The following SPECC1L variants were observed in gnomAD, a reference collection of about 807,000 sequenced individuals.
SPECC1L encodes the protein sperm antigen with calponin homology and coiled-coil domains 1 like.
A neutral mutation model predicts 116.8 loss-of-function variants in SPECC1L; 40 were observed. The ratio of observed to expected loss-of-function variants is 0.34; its 90% CI spans 0.27 to 0.45. SPECC1L has a LOEUF of 0.45. Ranked by LOEUF, SPECC1L falls within the 20% of genes least tolerant of loss-of-function variation. The pLI is 1.00. For synonymous variants in SPECC1L, 504 were observed against 500.6 expected (o/e 1.01, Z -0.09); for missense variants, 1,110 against 1,373.6 (o/e 0.81, Z 3.03).
chr22:24,317,653 CG>C (rs2040620980), intron 4 of SPECC1L, among the ~76,000 whole-genome samples: 3 of 150,754 alleles, frequency 2.0e-5, no homozygotes, highest in South Asian at 2.1e-4. Context: ...GCTGGCCAGG[CG>C]GGGGGCTGAC....
At position 24,334,355 on chromosome 22, in the gene SPECC1L, A is replaced by G. The variant is rs1269435835; in HGVS notation, c.2397-55A>G. 3.2e-6 allele frequency: 5 copies of G among 1,583,600 alleles called. No individual in the cohort carries two copies. In the African/African-American group the frequency reaches 5.4e-5, roughly 17 times the overall value. On this transcript the variant is annotated intron_variant, in intron 8 of 16. Coordinates refer to ENST00000314328, the MANE Select transcript of SPECC1L (RefSeq NM_015330.6). ...AATGCCTTTCAGCTGGGAGGGGAAA[A>G]TGTGTATGTTCTAGTACCTATGTAA...
At chr22:24,282,467 T>A (rs2048962143) in intron 2 of SPECC1L, among the ~76,000 whole-genome samples, 1 of 152,236 alleles carries the variant, frequency 6.6e-6, no homozygotes, top group African/African-American at 2.4e-5. Flanking sequence ...GTCAGTTAAG[T>A]TAGATCTCTC....
At position 24,321,568 on chromosome 22, in the gene SPECC1L, C is replaced by A. The variant is rs769342341; in HGVS notation, c.588C>A (p.Asp196Glu). 6.2e-7 allele frequency: 1 copy of A among 1,614,040 alleles called. No individual in the cohort carries two copies. Among genetic ancestry groups the A allele is most frequent in the East Asian group, 2.2e-5 (1 of 44,888 alleles). Residue 196 changes from aspartate (D) to glutamate (E), a missense_variant, in exon 5 of 17, where the codon GAC (aspartate) becomes GAA (glutamate). Around this residue, in one of 4 missense-constraint regions of SPECC1L, gnomAD observed 437 missense variants for 482.6 expected, o/e 0.91. Coordinates refer to ENST00000314328, the MANE Select transcript of SPECC1L (RefSeq NM_015330.6). ...KDLLTLAKTK[D>E]VEILHLRNEL... ...TTCTCACGCTGGCAAAAACCAAAGACGTAGAAATTTTACATTTGAGAAATG... is the reference window on the plus strand; with the variant it reads ...TTCTCACGCTGGCAAAAACCAAAGAAGTAGAAATTTTACATTTGAGAAATG...
chr22:24,317,177 C>T (rs2040597025), intron 4 of SPECC1L, among the ~76,000 whole-genome samples: 1 of 94,990 alleles, frequency 1.1e-5, no homozygotes, highest in South Asian at 3.6e-4. Flanking sequence ...GCTGGCTGGG[C>T]AGAGGGGCTC....
intron 14 of SPECC1L, among the ~76,000 whole-genome samples, chr22:24,393,064 T>A (rs896304684): frequency 4.6e-5 from 7 of 152,176 alleles, no homozygotes; most frequent in African/African-American, 1.7e-4. Flanking sequence ...CCATGCAGCA[T>A]CTCTTCTACC....
chr22:24,320,464 G>A (rs1416512192), intron 4 of SPECC1L, among the ~76,000 whole-genome samples: 1 of 152,154 alleles, frequency 6.6e-6, no homozygotes, highest in African/African-American at 2.4e-5. Flanking sequence ...TAGAGAGACA[G>A]TATAACATAC....
intron 6 of SPECC1L, among the ~76,000 whole-genome samples, chr22:24,328,169 C>T (rs1450997399): frequency 6.6e-6 from 1 of 152,112 alleles, no homozygotes; most frequent in Non-Finnish European, 1.5e-5. Context: ...GGGAGACTAG[C>T]CTGTGCTACA....
At position 24,345,093 on chromosome 22, in the gene SPECC1L, G is replaced by A. The variant is rs34695172; in HGVS notation, c.2653-1993G>A. ...CATTGTTGTGGTCGGGGGGGTGCGG[G>A]TGGAGGACAAATTTGGAGGACTTGT... is the stretch of plus-strand genomic sequence containing the variant. On this transcript the variant is annotated intron_variant, in intron 10 of 16. Coordinates refer to ENST00000314328, the MANE Select transcript of SPECC1L (RefSeq NM_015330.6). Among the ~76,000 whole-genome samples the A allele has an allele frequency of 2.2e-3, 328 of 152,252 alleles. 1 individual carries two copies. The highest frequency in any genetic ancestry group is 3.4e-3 in the Non-Finnish European group (232 of 68,024).
At chr22:24,344,245 A>C (rs1401147480) in intron 10 of SPECC1L, among the ~76,000 whole-genome samples, 2 of 152,194 alleles carry the variant, frequency 1.3e-5, no homozygotes, top group African/African-American at 2.4e-5. Flanking sequence ...TGAATCCAGC[A>C]ATATATAAAA....
chr22:24,276,798 A>G lies in SPECC1L; in HGVS notation c.-43A>G, dbSNP rs2048846407. Reference sequence around the variant, plus strand: ...GATGGGGCTACTTTATTCCAGAACAATCACAGTGAGACCTTTTCTCCCAAT... The same window carrying G: ...GATGGGGCTACTTTATTCCAGAACAGTCACAGTGAGACCTTTTCTCCCAAT... On this transcript the variant is annotated 5_prime_UTR_variant, in exon 2 of 17. Transcript: ENST00000314328. 2.2e-6 allele frequency: 1 copy of G among 453,358 alleles called. No individual in the cohort carries two copies. Among genetic ancestry groups the G allele is most frequent in the Non-Finnish European group, 4.4e-6 (1 of 226,586 alleles). The allele number at this position is 453,358 out of a possible 1,614,324, so 28.1% of individuals were successfully genotyped here.
chr22:24,323,594 TA>T (rs1215164159), intron 5 of SPECC1L, among the ~76,000 whole-genome samples: 1 of 152,266 alleles, frequency 6.6e-6, no homozygotes, highest in East Asian at 1.9e-4. Flanking sequence ...TGAGTTATTC[TA>T]GTTATACTAG....
At chr22:24,319,391 C>T (rs941561813) in intron 4 of SPECC1L, among the ~76,000 whole-genome samples, 3 of 152,184 alleles carry the variant, frequency 2.0e-5, no homozygotes, top group Non-Finnish European at 4.4e-5. Flanking sequence ...ACGAGAACAG[C>T]GTGAGGGTAA....
In SPECC1L at chr22:24,366,525, T is replaced by C. The variant is rs550622627; in HGVS notation, c.2984+893T>C. On this transcript the variant is annotated intron_variant, in intron 13 of 16. Transcript: ENST00000314328. ...TCTTTAAAGTCAAATTGAGTCACTT[T>C]GATGTAGTAGAAGCTATAAAGTGAT... 5.9e-5 allele frequency among the ~76,000 whole-genome samples: 9 copies of C among 152,262 alleles called. No homozygotes were observed. The South Asian group carries it at 1.9e-3, about 32-fold the overall frequency.
chr22:24,412,800 G>A, intron 16 of SPECC1L, 93 bp downstream of exon 16: 4 of 1,397,522 alleles, frequency 2.9e-6, no homozygotes, highest in Middle Eastern at 4.7e-4. Flanking sequence ...TGGGCATGGG[G>A]TAGTGTGGCT....
chr22:24,383,946 C>T (rs1017356432), intron 14 of SPECC1L, among the ~76,000 whole-genome samples: 1 of 151,438 alleles, frequency 6.6e-6, no homozygotes, highest in South Asian at 2.1e-4. Flanking sequence ...AGCCACCGTG[C>T]CTGGCCCAAT....
At chr22:24,271,518 T>C (rs2048727332) in intron 1 of SPECC1L, among the ~76,000 whole-genome samples, 1 of 152,264 alleles carries the variant, frequency 6.6e-6, no homozygotes. Flanking sequence ...TCCTTTTTTC[T>C]TGAGACGTGG....
At chr22:24,346,509 T>TTTGGAACATG (rs1432815616) in intron 10 of SPECC1L, among the ~76,000 whole-genome samples, 1 of 152,204 alleles carries the variant, frequency 6.6e-6, no homozygotes, top group Non-Finnish European at 1.5e-5. Context: ...TGCATTTTAT[T>TTTGGAACATG]TTGGAACATG....
chr22:24,361,586 A>G (rs1473854340), intron 11 of SPECC1L, among the ~76,000 whole-genome samples: 1 of 152,172 alleles, frequency 6.6e-6, no homozygotes. Context: ...CAGGAGGCTC[A>G]AGAGTTTGAG....
intron 5 of SPECC1L, among the ~76,000 whole-genome samples, chr22:24,323,359 T>A (rs2040758763): frequency 1.3e-5 from 2 of 152,234 alleles, no homozygotes; most frequent in South Asian, 4.1e-4. Context: ...AATAGAGATC[T>A]GTTGATAGTT....
Sources: allele counts gnomAD v4.1 joint callset (sites outside exome capture counted in the v4.1 genomes callset), GRCh38; gene constraint gnomAD v4.1.1; regional missense constraint gnomAD v4.1.1; transcripts MANE v1.5; gene names NCBI Gene and HGNC (gene_info 2026-07-23, HGNC 2026-07-21).